The following GLIS3 variants were observed in gnomAD, a reference collection of about 807,000 sequenced individuals.
GLIS3 encodes zinc finger protein GLIS3.
Under a neutral mutation model 78.6 loss-of-function variants are expected in GLIS3, and 53 were observed. The ratio of observed to expected loss-of-function variants is 0.67; its 90% CI spans 0.54 to 0.85. The LOEUF (loss-of-function observed/expected upper bound fraction) is 0.85, where lower values mean the gene tolerates loss of function less well. GLIS3 is among the 40% of genes least tolerant of loss of function. The pLI is 0.00. For missense variants in GLIS3, 1,703 were observed against 1,231.1 expected, an observed-to-expected ratio of 1.38 and a Z score of -5.74; for synonymous variants, 684 against 509.9, an observed-to-expected ratio of 1.34 and a Z score of -4.60.
At chr9:3,898,627 T>A in intron 7 of GLIS3, 64 bp downstream of exon 7, 1 of 1,605,950 alleles carries the variant, frequency 6.2e-7, no homozygotes, top group Non-Finnish European at 8.5e-7. Context: ...GAGCATTCCT[T>A]TTAACCAGAG....
At chr9:4,385,819 AAAGAG>A in the GLIS3 span, among the ~76,000 whole-genome samples, 5 of 45,798 alleles carry the variant, frequency 1.1e-4, no homozygotes, top group Admixed American at 5.1e-4. Flanking sequence ...GAAAAGAAAG[AAAGAG>A]AAAAGAAAGA....
At chr9:4,145,584 T>C (rs2131009812) in intron 2 of GLIS3, among the ~76,000 whole-genome samples, 1 of 152,302 alleles carries the variant, frequency 6.6e-6, no homozygotes, top group East Asian at 1.9e-4. Flanking sequence ...AAGCCCATAA[T>C]GCCTAAGAGG....
chr9:4,396,173 C>G, the GLIS3 span, among the ~76,000 whole-genome samples: 1 of 151,724 alleles, frequency 6.6e-6, no homozygotes, highest in African/African-American at 2.4e-5. Context: ...GGTACATTGG[C>G]ATGATCTCAG....
chr9:4,179,901 C>G (rs185309968), intron 2 of GLIS3, among the ~76,000 whole-genome samples: 2 of 125,286 alleles, frequency 1.6e-5, no homozygotes, highest in African/African-American at 5.9e-5. Context: ...GAGAGCGAGA[C>G]TCTGTCTCAA....
chr9:4,173,940 ACGC>A (rs200551497), intron 2 of GLIS3, among the ~76,000 whole-genome samples: 5,323 of 151,924 alleles, frequency 0.035, 299 homozygotes, highest in African/African-American at 0.12. Flanking sequence ...ACACGCACGC[ACGC>A]ACACACGCAT....
intron 2 of GLIS3, among the ~76,000 whole-genome samples, chr9:4,326,392 C>A (rs80159925): frequency 6.6e-6 from 1 of 152,106 alleles, no homozygotes; most frequent in Admixed American, 6.6e-5. Flanking sequence ...CAAGGAAATG[C>A]GGACACATGC....
the GLIS3 span, among the ~76,000 whole-genome samples, chr9:4,395,931 G>A: frequency 7.9e-5 from 12 of 151,580 alleles, no homozygotes; most frequent in Non-Finnish European, 1.2e-4. Context: ...GCACCACCAC[G>A]CCCAGCTAAT....
At chr9:4,375,233 T>C in the GLIS3 span, among the ~76,000 whole-genome samples, 27 of 152,218 alleles carry the variant, frequency 1.8e-4, no homozygotes, top group Admixed American at 6.5e-5. Flanking sequence ...TACAATCAAG[T>C]CTAATGAACT....
intron 2 of GLIS3, among the ~76,000 whole-genome samples, chr9:4,185,369 T>A (rs1817692177): frequency 6.6e-6 from 1 of 152,240 alleles, no homozygotes; most frequent in South Asian, 2.1e-4. Context: ...GATGGACATT[T>A]GGATTGCTTC....
intron 2 of GLIS3, among the ~76,000 whole-genome samples, chr9:4,182,711 G>A (rs1354781628): frequency 6.6e-6 from 1 of 152,138 alleles, no homozygotes; most frequent in East Asian, 1.9e-4. Context: ...GATAATATAT[G>A]AGATCATTGG....
chr9:4,276,844 T>C (rs140852608), intron 2 of GLIS3, among the ~76,000 whole-genome samples: 2 of 152,276 alleles, frequency 1.3e-5, no homozygotes, highest in South Asian at 2.1e-4. Context: ...AAACATTGTG[T>C]TTCACCTGAC....
At chr9:4,189,895 C>A (rs768403655) in intron 2 of GLIS3, among the ~76,000 whole-genome samples, 2 of 151,994 alleles carry the variant, frequency 1.3e-5, no homozygotes, top group East Asian at 3.9e-4. Context: ...TGTGTCTGCA[C>A]GTGTGCTGCT....
intron 2 of GLIS3, among the ~76,000 whole-genome samples, chr9:4,159,016 T>A (rs1182715691): frequency 1.8e-4 from 16 of 90,202 alleles, no homozygotes; most frequent in African/African-American, 9.1e-4. Context: ...CTTGGTATGC[T>A]AGAGAAAGGA....
chr9:4,245,238 C>T (rs946620621), intron 2 of GLIS3, among the ~76,000 whole-genome samples: 1 of 152,158 alleles, frequency 6.6e-6, no homozygotes, highest in Non-Finnish European at 1.5e-5. Context: ...TGGCCTCAAA[C>T]CCACAATGAT....
At chr9:4,373,643 A>T in the GLIS3 span, among the ~76,000 whole-genome samples, 1,509 of 151,880 alleles carry the variant, frequency 9.9e-3, 39 homozygotes, top group African/African-American at 0.034. Context: ...AGTTTTTGTT[A>T]TCTAGGGGAA....
chr9:3,911,100 T>C (rs112129685), intron 6 of GLIS3, among the ~76,000 whole-genome samples: 7,473 of 151,830 alleles, frequency 0.049, 271 homozygotes, highest in Non-Finnish European at 0.08. Flanking sequence ...TTCCTTCCTT[T>C]CTTCCTTCCT....
chr9:4,264,201 C>T (rs1825776454), intron 2 of GLIS3, among the ~76,000 whole-genome samples: 1 of 152,274 alleles, frequency 6.6e-6, no homozygotes, highest in African/African-American at 2.4e-5. Context: ...AAACCAAACA[C>T]CTAGAGGTAT....
rs1817782009 is a variant in GLIS3, at chr9:4,316,651, G to C, written n.265-6123C>G. Among the ~76,000 whole-genome samples, 3 of 152,168 alleles carry C rather than the reference G, an allele frequency of 2.0e-5. No individual in the cohort carries two copies. The South Asian group carries it at 6.2e-4, about 32-fold the overall frequency. The stretch of plus-strand genomic sequence containing the variant: ...ATGGTCCCAGTGTGAGTAAGCGTAG[G>C]CATGTGTGTGAGTGTGCCCTGAGAT... On this transcript the variant is annotated intron_variant and non_coding_transcript_variant, in intron 2 of 4. Coordinates refer to the GLIS3 transcript ENST00000471664.
chr9:4,248,067 A>T (rs1433744394), intron 2 of GLIS3, among the ~76,000 whole-genome samples: 1 of 152,086 alleles, frequency 6.6e-6, no homozygotes, highest in Non-Finnish European at 1.5e-5. Context: ...TGTCTCTGAG[A>T]ACCATTATTC....
Sources: allele counts gnomAD v4.1 joint callset (sites outside exome capture counted in the v4.1 genomes callset), GRCh38; gene constraint gnomAD v4.1.1; transcripts MANE v1.5; gene names NCBI Gene and HGNC (gene_info 2026-07-23, HGNC 2026-07-21).